The following HJURP variants were observed in gnomAD, a reference collection of about 807,000 sequenced individuals.
HJURP encodes the protein 14-3-3-associated AKT substrate.
HJURP carries 49 observed loss-of-function variants against 72.0 expected under a neutral mutation model. That is an observed-to-expected ratio of 0.68 (90% CI 0.54 to 0.86). The LOEUF (loss-of-function observed/expected upper bound fraction) is 0.86. Ranked by LOEUF, HJURP falls within the 40% of genes least tolerant of loss-of-function variation. The probability of loss-of-function intolerance (pLI) is 0.00; values close to 1 mark genes in which losing one functional copy is unlikely to be tolerated. For missense variants in HJURP, 908 were observed against 936.3 expected, an observed-to-expected ratio of 0.97 and a Z score of 0.39; for synonymous variants, 357 against 347.1, an observed-to-expected ratio of 1.03 and a Z score of -0.32.
intron 5 of HJURP, among the ~76,000 whole-genome samples, chr2:233,847,153 C>A (rs1167344138): frequency 6.6e-6 from 1 of 152,174 alleles, no homozygotes; most frequent in African/African-American, 2.4e-5. Flanking sequence ...TGAAAATCAT[C>A]GTGAATCAGG....
intron 6 of HJURP, among the ~76,000 whole-genome samples, 153 bp from the exon 7 acceptor site, chr2:233,844,436 G>A (rs1244706826): frequency 1.3e-5 from 2 of 152,162 alleles, no homozygotes; most frequent in African/African-American, 2.4e-5. Flanking sequence ...GCTAGGCTTC[G>A]GGCAGTGGGA....
chr2:233,840,587 C>A, intron 8 of HJURP, 22 bp downstream of exon 8: 1 of 1,549,330 alleles, frequency 6.5e-7, no homozygotes, highest in South Asian at 1.3e-5. Context: ...AAACCACATT[C>A]AACCAACAGA....
intron 8 of HJURP, among the ~76,000 whole-genome samples, 169 bp downstream of exon 8, chr2:233,840,440 A>G (rs1249307955): frequency 6.6e-6 from 1 of 152,226 alleles, no homozygotes; most frequent in East Asian, 1.9e-4. Context: ...AGAGACGCTG[A>G]CTTTACAGGA....
At chr2:233,853,971 G>C in intron 1 of HJURP, 61 bp from the exon 2 acceptor site, 1 of 1,497,450 alleles carries the variant, frequency 6.7e-7, no homozygotes, top group Non-Finnish European at 9.3e-7. Context: ...CCAGACCCGG[G>C]AGGAGGCGGC....
At position 233,842,157 on chromosome 2, in the gene HJURP, G is replaced by A. The variant is rs777368689; in HGVS notation, c.623C>T (p.Pro208Leu). The change falls in exon 8 of 9, where the codon CCA becomes CTA. Residue 208 changes from proline to leucine, a missense_variant. This residue lies in a region of HJURP where 299 missense variants were observed against 286.7 expected (regional missense o/e 1.04). Transcript: ENST00000411486. ...ATCCCATTCTCTGGGAGATGAAGCT[G>A]GTTTCGCTGGGTCACCAGGACTCTT... ...SRKSPGDPAK[P>L]ASSPREWDPL... The A allele has an allele frequency of 1.9e-6, 3 of 1,613,822 alleles. No individual in the cohort carries two copies. The South Asian group carries it at 3.3e-5, about 18-fold the overall frequency.
At chr2:233,853,717 G>T (rs1705549494) in intron 2 of HJURP, 127 bp downstream of exon 2, 1 of 694,174 alleles carries the variant, frequency 1.4e-6, no homozygotes, top group Non-Finnish European at 2.5e-6. Context: ...AGGTTTAAGG[G>T]CACCAATGTT....
In HJURP at chr2:233,846,347, G is replaced by A. The variant is rs528962652; in HGVS notation, c.403-527C>T. Among the ~76,000 whole-genome samples, 253 of 152,328 alleles carry A rather than the reference G, an allele frequency of 1.7e-3. No homozygotes were observed. The highest frequency in any genetic ancestry group is 5.9e-3 in the African/African-American group (247 of 41,554). ...GGCGCCTGTAGTCCCAGCTACTTGG[G>A]AGGCTGAGGCAGGAGAATCGCTTGA... On this transcript the variant is annotated intron_variant, in intron 5 of 8. Coordinates refer to ENST00000411486, the MANE Select transcript of HJURP (RefSeq NM_018410.5). The surrounding 1 kb of genome is among the most constrained non-coding windows in gnomAD (Gnocchi z 4.3).
At chr2:233,848,804 T>C (rs619351) in intron 4 of HJURP, among the ~76,000 whole-genome samples, 29,613 of 151,852 alleles carry the variant, frequency 0.2, 3,180 homozygotes, top group African/African-American at 0.28. Context: ...TGGCTCCACC[T>C]GGGGGAAGGG....
In HJURP at chr2:233,840,835, T is replaced by A. The variant is rs1705206817; in HGVS notation, c.1945A>T (p.Ser649Cys). 1 of 1,613,806 alleles carries A rather than the reference T, an allele frequency of 6.2e-7. No individual in the cohort carries two copies. The highest frequency in any genetic ancestry group is 8.5e-7 in the Non-Finnish European group (1 of 1,179,922). The change falls in exon 8 of 9, where the codon AGT becomes TGT. Residue 649 changes from serine to cysteine, a missense_variant. By Grantham distance (112) the Ser-to-Cys change is moderately radical (BLOSUM62 -1). Transcript: ENST00000411486. ...TCAATTGCAGTTGAGCCCAGTAGACTTTTTCTGCACCCCAGGGGTGATGAT... is the reference window on the plus strand; with the variant it reads ...TCAATTGCAGTTGAGCCCAGTAGACATTTTCTGCACCCCAGGGGTGATGAT... ...LPSSPLGCRK[S>C]LLGSTAIEAP...
At chr2:233,840,015 T>C (rs555081787) in intron 8 of HJURP, among the ~76,000 whole-genome samples, 2 of 152,284 alleles carry the variant, frequency 1.3e-5, no homozygotes, top group East Asian at 3.9e-4. Context: ...CCACTGTCTC[T>C]AGAGAAAAGG....
rs1485932706 is a variant in HJURP, at chr2:233,841,965, C to A, written c.815G>T (p.Ser272Ile). Reference protein sequence around the residue: ...DLYAGMLHSMSRLLSTKPSSI... With the variant: ...DLYAGMLHSMIRLLSTKPSSI... ...TGATGGCTTTGTGCTCAACAGCCGG[C>A]TCATGGAGTGCAGCATCCCTGCGTA... The change falls in exon 8 of 9, where the codon AGC (serine) becomes ATC (isoleucine). Residue 272 changes from serine to isoleucine, a missense_variant. Physicochemically the swap from Ser to Ile is moderately radical, Grantham distance 142. Transcript: ENST00000411486. 1.9e-6 allele frequency: 3 copies of A among 1,614,076 alleles called. No individual in the cohort carries two copies. In the African/African-American group the frequency reaches 4.0e-5, roughly 22 times the overall value.
At chr2:233,851,950 C>T (rs1025769994) in intron 3 of HJURP, among the ~76,000 whole-genome samples, 1 of 152,198 alleles carries the variant, frequency 6.6e-6, no homozygotes, top group East Asian at 1.9e-4. Context: ...TACCAGATAA[C>T]CTGGCAAAAG....
chr2:233,839,539 C>T (rs367696571), intron 8 of HJURP, among the ~76,000 whole-genome samples: 29 of 152,316 alleles, frequency 1.9e-4, no homozygotes, highest in East Asian at 9.6e-4. Flanking sequence ...AGGCCGCTGG[C>T]GGTCTGAGAG....
At chr2:233,849,960 A>G in intron 3 of HJURP, 101 bp from the exon 4 acceptor site, 1 of 704,970 alleles carries the variant, frequency 1.4e-6, no homozygotes, top group Non-Finnish European at 2.5e-6. Flanking sequence ...TTAACACAGG[A>G]GACAGCAAGA....
At position 233,836,744 on chromosome 2, in the gene HJURP, T is replaced by C. The variant is rs1705073761; in HGVS notation, c.*833A>G. On this transcript the variant is annotated 3_prime_UTR_variant, in exon 9 of 9. Coordinates refer to ENST00000411486, the MANE Select transcript of HJURP (RefSeq NM_018410.5). Reference sequence around the variant, plus strand: ...TTTACTCCAGCATGAGTTTCACCAATGTATTCTGAATATGTGAAATATTTC... The same window carrying C: ...TTTACTCCAGCATGAGTTTCACCAACGTATTCTGAATATGTGAAATATTTC... The C allele has an allele frequency of 6.6e-6, 1 of 151,940 alleles. No homozygotes were observed. The allele number at this position is 151,940 out of a possible 1,614,324, so 9.4% of individuals were successfully genotyped here.
intron 8 of HJURP, among the ~76,000 whole-genome samples, chr2:233,839,488 G>T (rs1705163213): frequency 6.6e-6 from 1 of 152,276 alleles, no homozygotes; most frequent in Non-Finnish European, 1.5e-5. Context: ...TGGGAAGACA[G>T]AGTGACAGTG....
intron 7 of HJURP, 79 bp downstream of exon 7, chr2:233,844,126 G>T: frequency 9.3e-7 from 1 of 1,078,178 alleles, no homozygotes; most frequent in Non-Finnish European, 1.4e-6. Flanking sequence ...GCCAGTATGA[G>T]CAGCTCTGAG....
Position 233,849,773 on chromosome 2 carries a change from G to A in HJURP, c.327C>T (p.Val109=). 6.4e-7 allele frequency: 1 copy of A among 1,552,436 alleles called. No individual in the cohort carries two copies. The highest frequency in any genetic ancestry group is 8.7e-7 in the Non-Finnish European group (1 of 1,147,506). ...GAAGGCAACACTCACCGGCTCCCAG[G>A]ACTGTGCGGTGCGAGGGAAGCTCAG... is the stretch of plus-strand genomic sequence containing the variant. ...WGPELPSHRT[V]LGADSKSGEV... is the part of the protein sequence containing the mutation. Residue 109 remains valine, a synonymous_variant, in exon 4 of 9, where the codon GTC becomes GTT. Coordinates refer to ENST00000411486, the MANE Select transcript of HJURP (RefSeq NM_018410.5).
chr2:233,840,736 T>G lies in HJURP; in HGVS notation c.2044A>C (p.Arg682=), dbSNP rs1024869765. Reference sequence around the variant, plus strand: ...CCCTGGGGTTCTGATAGCCTGGGTCTTTTTGCAGGGAACTGATGGTCCCTC... The same window carrying G: ...CCCTGGGGTTCTGATAGCCTGGGTCGTTTTGCAGGGAACTGATGGTCCCTC... The part of the protein sequence containing the change: ...GTRDHQFPAK[R]PRLSEPQGSG... Residue 682 remains arginine (R), a synonymous_variant, in exon 8 of 9, where the codon AGA becomes CGA. Transcript: ENST00000411486. The G allele has an allele frequency of 6.2e-7, 1 of 1,613,960 alleles. No individual in the cohort carries two copies. The highest frequency in any genetic ancestry group is 1.3e-5 in the African/African-American group (1 of 74,878).
Sources: gnomAD v4.1 joint callset for allele counts (sites outside exome capture counted in the v4.1 genomes callset) on GRCh38, gnomAD v4.1.1 for gene constraint, gnomAD v4.1.1 regional missense constraint, Gnocchi (gnomAD v3.1) non-coding constraint, MANE v1.5 for transcripts, NCBI Gene and HGNC (gene_info 2026-07-23, HGNC 2026-07-21) for gene names.